PIP5K1C: variants seen among roughly 807,000 people sequenced by gnomAD.
The protein encoded by PIP5K1C is phosphatidylinositol-4-phosphate 5-kinase type 1 gamma.
In PIP5K1C, 45 loss-of-function variants were observed where a neutral mutation model predicts 80.1. The observed-to-expected ratio is 0.56, with a 90% CI of 0.44 to 0.72. The LOEUF (loss-of-function observed/expected upper bound fraction) is 0.72. PIP5K1C is among the 30% of genes least tolerant of loss of function. PIP5K1C has a pLI of 0.00. For missense variants in PIP5K1C, 753 were observed against 954.6 expected (o/e 0.79, Z 2.78); for synonymous variants, 498 against 420.1 (o/e 1.19, Z -2.27).
chr19:3,650,257 G>A (rs898235376), intron 8 of PIP5K1C, among the ~76,000 whole-genome samples: 2 of 152,232 alleles, frequency 1.3e-5, no homozygotes, highest in African/African-American at 4.8e-5. Flanking sequence ...GCTGCACTGG[G>A]GAAGGCTGCC....
rs1449424963 is a variant in PIP5K1C at position 3,692,341 on chromosome 19, C to T, written c.94+7956G>A. On this transcript the variant is annotated intron_variant, in intron 1 of 17. Coordinates refer to ENST00000335312, the MANE Select transcript of PIP5K1C (RefSeq NM_012398.3). The surrounding 1 kb of genome is among the most constrained non-coding windows in gnomAD (Gnocchi z 5.2). ...CCGGCTCCCACCACGGCCCCCAACG[C>T]TCCCTACAGGGGCTCCTGGGGCCTC... 6.6e-6 allele frequency among the ~76,000 whole-genome samples: 1 copy of T among 152,184 alleles called. No homozygotes were observed. The highest frequency in any genetic ancestry group is 2.4e-5 in the African/African-American group (1 of 41,434).
chr19:3,636,307 G>A (rs1340026660), intron 16 of PIP5K1C: 1 of 871,882 alleles, frequency 1.1e-6, no homozygotes. Context: ...GTGACCCCAG[G>A]AAGACCAGAA....
chr19:3,687,425 G>A (rs900556099), intron 1 of PIP5K1C, among the ~76,000 whole-genome samples: 6 of 151,870 alleles, frequency 4.0e-5, no homozygotes, highest in Non-Finnish European at 7.4e-5. Flanking sequence ...CAACAGGGCA[G>A]GAAAGGAAGA....
At chr19:3,659,874 C>T (rs2001905) in intron 5 of PIP5K1C, among the ~76,000 whole-genome samples, 84,191 of 152,034 alleles carry the variant, frequency 0.55, 23,577 homozygotes, top group East Asian at 0.71. Context: ...CCGACCACCG[C>T]GGGTGAGGGC....
chr19:3,638,799 GTGTA>G, intron 16 of PIP5K1C, 81 bp downstream of exon 16: 1 of 1,554,520 alleles, frequency 6.4e-7, no homozygotes, highest in Non-Finnish European at 8.8e-7. Flanking sequence ...GTGCAGGTGT[GTGTA>G]TGCGGTGTGC....
At chr19:3,683,973 C>T (rs2035674234) in intron 1 of PIP5K1C, among the ~76,000 whole-genome samples, 1 of 150,262 alleles carries the variant, frequency 6.7e-6, no homozygotes, top group African/African-American at 2.5e-5. Flanking sequence ...GGCAGTCCCA[C>T]ACCTCCCCCA....
chr19:3,645,033 A>G (rs1203011244), intron 11 of PIP5K1C, among the ~76,000 whole-genome samples: 1 of 152,254 alleles, frequency 6.6e-6, no homozygotes, highest in East Asian at 1.9e-4. Context: ...CTCTGGAGAC[A>G]GATCCTGACA....
chr19:3,644,716 G>A (rs890792495), intron 11 of PIP5K1C, among the ~76,000 whole-genome samples: 2 of 152,210 alleles, frequency 1.3e-5, no homozygotes, highest in African/African-American at 2.4e-5. Flanking sequence ...CTCACCCGCT[G>A]GCTGTGCGGC....
chr19:3,690,295 G>A (rs1310175804), intron 1 of PIP5K1C, among the ~76,000 whole-genome samples: 5 of 151,940 alleles, frequency 3.3e-5, no homozygotes, highest in East Asian at 1.9e-4. Flanking sequence ...CCAGGAGCTC[G>A]AGACCAGCCC....
chr19:3,643,053 T>C lies in PIP5K1C; in HGVS notation c.1650-114A>G, dbSNP rs577272091. The C allele has an allele frequency of 2.7e-5, 39 of 1,470,958 alleles. No homozygotes were observed. In the South Asian group the frequency reaches 3.6e-4, roughly 14 times the overall value. The allele number at this position is 1,470,958 out of a possible 1,614,324, so 91.1% of individuals were successfully genotyped here. ...GCCCCCTGGCAGCCCTGCCCACCTG[T>C]ACATATGCTCCTCCCTCCCACACAT... On this transcript the variant is annotated intron_variant, in intron 13 of 17. Coordinates refer to ENST00000335312, the MANE Select transcript of PIP5K1C (RefSeq NM_012398.3).
rs566545386 is a variant in PIP5K1C, at chr19:3,689,058, G to A, written c.94+11239C>T. 6.6e-5 allele frequency among the ~76,000 whole-genome samples: 10 copies of A among 152,184 alleles called. No individual in the cohort carries two copies. The East Asian group carries it at 1.7e-3, about 27-fold the overall frequency. ...AATTTTCTTAGGATCTCACTCTGTC[G>A]CCCAGGCTGGAGTGCAGTGGTGCAA... On this transcript the variant is annotated intron_variant, in intron 1 of 17. Transcript: ENST00000335312.
intron 1 of PIP5K1C, among the ~76,000 whole-genome samples, chr19:3,670,229 G>A (rs930301838): frequency 7.2e-5 from 11 of 152,202 alleles, no homozygotes; most frequent in African/African-American, 1.9e-4. Context: ...GGGGTTGGAC[G>A]GTGTCCCTCC....
At chr19:3,680,674 A>G (rs1273186188) in intron 1 of PIP5K1C, among the ~76,000 whole-genome samples, 3 of 152,230 alleles carry the variant, frequency 2.0e-5, no homozygotes, top group African/African-American at 4.8e-5. Flanking sequence ...AAAGACACCC[A>G]TCTATTACTA....
chr19:3,667,839 G>C (rs1379803880), intron 1 of PIP5K1C, among the ~76,000 whole-genome samples: 1 of 152,228 alleles, frequency 6.6e-6, no homozygotes. Context: ...CTCGGGCATG[G>C]GGAAATCAGG....
chr19:3,656,105 T>A (rs2034620973), intron 6 of PIP5K1C, among the ~76,000 whole-genome samples: 1 of 152,088 alleles, frequency 6.6e-6, no homozygotes, highest in African/African-American at 2.4e-5. Context: ...GGCCCACGGC[T>A]CATAGGGGGT....
intron 6 of PIP5K1C, among the ~76,000 whole-genome samples, chr19:3,655,126 A>AT (rs1411782641): frequency 9.8e-5 from 14 of 142,720 alleles, no homozygotes; most frequent in South Asian, 4.4e-4. Flanking sequence ...AAAAAAAAAA[A>AT]AAAATGAAGA....
At chr19:3,646,163 G>T in intron 10 of PIP5K1C, 105 bp from the exon 11 acceptor site, 1 of 750,672 alleles carries the variant, frequency 1.3e-6, no homozygotes, top group Non-Finnish European at 2.4e-6. Flanking sequence ...CACCTTCTGT[G>T]TGAAAAGGCT....
rs780518219 is a variant in PIP5K1C, at chr19:3,645,135, CCTG to C, written c.1345+836_1345+838del. On this transcript the variant is annotated intron_variant, in intron 11 of 17. Transcript: ENST00000335312. Reference sequence around the variant, plus strand: ...TGTGCAGGCCGGGAAGAGCAGCCTGCCTGCAAGCGCTGGGCACTGGCGTGCCTG... The same window carrying C: ...TGTGCAGGCCGGGAAGAGCAGCCTGCCAAGCGCTGGGCACTGGCGTGCCTG... Among the ~76,000 whole-genome samples the C allele has an allele frequency of 3.2e-3, 495 of 152,344 alleles. 1 individual carries two copies. The highest frequency in any genetic ancestry group is 5.3e-3 in the Non-Finnish European group (363 of 68,028).
intron 2 of PIP5K1C, among the ~76,000 whole-genome samples, chr19:3,666,175 C>T (rs930580808): frequency 1.3e-5 from 2 of 152,238 alleles, no homozygotes; most frequent in Admixed American, 6.5e-5. Context: ...GCTCTGGCTA[C>T]GGACGCAGGG....
Sources: allele counts gnomAD v4.1 joint callset (sites outside exome capture counted in the v4.1 genomes callset), GRCh38; gene constraint gnomAD v4.1.1; non-coding constraint Gnocchi (gnomAD v3.1); transcripts MANE v1.5; gene names NCBI Gene and HGNC (gene_info 2026-07-23, HGNC 2026-07-21).